The following ATPAF1 variants were observed in gnomAD, a reference collection of about 807,000 sequenced individuals.
ATPAF1 encodes homolog of yeast ATP11.
Under a neutral mutation model 43.9 loss-of-function variants are expected in ATPAF1, and 26 were observed. The observed-to-expected ratio is 0.59, with a 90% CI of 0.43 to 0.82. The LOEUF (loss-of-function observed/expected upper bound fraction) is 0.82. ATPAF1 is among the 40% of genes least tolerant of loss of function. ATPAF1 has a pLI of 0.00. For synonymous variants in ATPAF1, 157 were observed against 168.0 expected (o/e 0.93, Z 0.50); for missense variants, 366 against 435.0 (o/e 0.84, Z 1.41).
At chr1:46,658,051 C>A in intron 4 of ATPAF1, 76 bp downstream of exon 4, 1 of 1,389,918 alleles carries the variant, frequency 7.2e-7, no homozygotes, top group South Asian at 1.2e-5. Context: ...AAAGAGGTGT[C>A]AGAAAATGTA....
chr1:46,663,788 G>C, intron 2 of ATPAF1: 1 of 1,096,404 alleles, frequency 9.1e-7, no homozygotes, highest in Non-Finnish European at 1.1e-6. Flanking sequence ...CCTCTAATTT[G>C]ACTTTAAAAC....
chr1:46,652,666 G>A (rs1676194005), intron 5 of ATPAF1, 38 bp from the exon 6 acceptor site: 6 of 1,574,194 alleles, frequency 3.8e-6, no homozygotes, highest in Non-Finnish European at 5.2e-6. Context: ...CCTACACATA[G>A]TAAAACACAA....
At position 46,668,291 on chromosome 1, in the gene ATPAF1, C is replaced by T; in HGVS notation, c.32G>A (p.Gly11Asp). The change falls in exon 1 of 9, where the codon GGC becomes GAC. Residue 11 changes from glycine to aspartate, a missense_variant. Around this residue, in one of 2 missense-constraint regions of ATPAF1, gnomAD observed 186 missense variants for 168.5 expected, o/e 1.10. Transcript: ENST00000574428. The surrounding 1 kb of genome is among the most constrained non-coding windows in gnomAD (Gnocchi z 4.4). ...CACCTGCAGGACCGCCGGTCCCGCG[C>T]CACCCGCAGCCGCCACCACCACAGC... 7.2e-7 allele frequency: 1 copy of T among 1,381,714 alleles called. No homozygotes were observed. The highest frequency in any genetic ancestry group is 1.6e-5 in the South Asian group (1 of 64,054). The allele number at this position is 1,381,714 out of a possible 1,614,324, so 85.6% of individuals were successfully genotyped here.
chr1:46,642,916 G>A (rs1461252660), intron 8 of ATPAF1, among the ~76,000 whole-genome samples: 1 of 152,128 alleles, frequency 6.6e-6, no homozygotes, highest in East Asian at 1.9e-4. Flanking sequence ...GTTACCAAAT[G>A]AGTTCAAGTT....
intron 6 of ATPAF1, among the ~76,000 whole-genome samples, chr1:46,648,163 G>C (rs1192210300): frequency 6.6e-6 from 1 of 152,106 alleles, no homozygotes; most frequent in Non-Finnish European, 1.5e-5. Flanking sequence ...CTAGTCTGGA[G>C]TGCTGTGGTG....
intron 7 of ATPAF1, among the ~76,000 whole-genome samples, 169 bp from the exon 8 acceptor site, chr1:46,643,470 T>A (rs1193078457): frequency 6.6e-6 from 1 of 152,236 alleles, no homozygotes; most frequent in Non-Finnish European, 1.5e-5. Context: ...AAAGGCACAG[T>A]GAAACTGACA....
intron 4 of ATPAF1, among the ~76,000 whole-genome samples, chr1:46,655,398 C>T (rs960002718): frequency 1.3e-5 from 2 of 152,004 alleles, no homozygotes; most frequent in African/African-American, 4.8e-5. Flanking sequence ...CACTAACGAA[C>T]AAGGAAGCTA....
intron 8 of ATPAF1, among the ~76,000 whole-genome samples, chr1:46,641,474 ACCC>A (rs386630907): frequency 2.0e-5 from 3 of 152,030 alleles, no homozygotes; most frequent in Admixed American, 6.6e-5. Flanking sequence ...TCCAGCTAAT[ACCC>A]CATTCTCTCC....
intron 2 of ATPAF1, among the ~76,000 whole-genome samples, chr1:46,663,566 C>T (rs1441556316): frequency 5.9e-5 from 9 of 151,996 alleles, no homozygotes; most frequent in African/African-American, 2.2e-4. Flanking sequence ...TGTCTTTTGG[C>T]TGCATAAATG....
intron 8 of ATPAF1, among the ~76,000 whole-genome samples, chr1:46,641,077 TTTA>T (rs1208277492): frequency 6.6e-6 from 1 of 152,072 alleles, no homozygotes; most frequent in Non-Finnish European, 1.5e-5. Flanking sequence ...TTTATTTTAT[TTTA>T]TTATTATTAT....
chr1:46,666,164 G>A (rs1237892780), intron 1 of ATPAF1: 1 of 189,696 alleles, frequency 5.3e-6, no homozygotes, highest in Admixed American at 5.2e-5. Context: ...GCATTATAGG[G>A]GGCCCCTTCT....
intron 6 of ATPAF1, among the ~76,000 whole-genome samples, chr1:46,652,078 T>A (rs1676179916): frequency 6.6e-6 from 1 of 152,078 alleles, no homozygotes; most frequent in Admixed American, 6.6e-5. Flanking sequence ...AAATGATAAA[T>A]GTTTGAGGTG....
At chr1:46,643,159 G>C (rs1228032013) in intron 8 of ATPAF1, 35 bp downstream of exon 8, 1 of 1,552,822 alleles carries the variant, frequency 6.4e-7, no homozygotes, top group East Asian at 2.2e-5. Flanking sequence ...AGTGCCATGA[G>C]GTAAATCCAA....
chr1:46,666,705 CAG>C (rs1312827070), intron 1 of ATPAF1, among the ~76,000 whole-genome samples: 1 of 152,134 alleles, frequency 6.6e-6, no homozygotes, highest in Non-Finnish European at 1.5e-5. Context: ...AGTTTGCTAA[CAG>C]ATAAAACTAG....
intron 7 of ATPAF1, among the ~76,000 whole-genome samples, chr1:46,643,812 G>C (rs532553882): frequency 6.6e-6 from 1 of 152,264 alleles, no homozygotes; most frequent in East Asian, 1.9e-4. Context: ...GGGGGTGAAG[G>C]GGAGAAGAAG....
exon 9 of ATPAF1, chr1:46,635,660 G>A (rs1675823251): frequency 2.0e-6 from 2 of 999,820 alleles, no homozygotes; most frequent in Non-Finnish European, 2.9e-6. Context: ...AGCACATAGG[G>A]CAACTCATTA....
chr1:46,668,157 G>T lies in ATPAF1; in HGVS notation c.166C>A (p.Pro56Thr), dbSNP rs909032734. ...CCGCTGCTGTCGGCGCCCCCCTCGG[G>T]CCGGCCCGAGCCGGGGCGCACTGGG... is the stretch of plus-strand genomic sequence containing the variant. Residue 56 changes from proline (P) to threonine (T), a missense_variant, in exon 1 of 9, where the codon CCC becomes ACC. Physicochemically the swap from Pro to Thr is conservative, Grantham distance 38. Transcript: ENST00000574428. This position sits in a 1 kb window ranked among gnomAD's most constrained non-coding sequence, Gnocchi z 4.4. The T allele has an allele frequency of 2.1e-6, 3 of 1,398,260 alleles. No homozygotes were observed. Among genetic ancestry groups the T allele is most frequent in the Admixed American group, 3.2e-5 (1 of 31,308 alleles). The allele number at this position is 1,398,260 out of a possible 1,614,324, so 86.6% of individuals were successfully genotyped here.
At chr1:46,645,010 T>G in intron 7 of ATPAF1, 151 bp downstream of exon 7, 1 of 656,862 alleles carries the variant, frequency 1.5e-6, no homozygotes, top group Admixed American at 2.9e-5. Context: ...AGAAAACTAG[T>G]CCAACACAAA....
At chr1:46,658,614 A>G (rs752953322) in intron 3 of ATPAF1, 73 bp downstream of exon 3, 71 of 1,214,170 alleles carry the variant, frequency 5.8e-5, no homozygotes, top group Non-Finnish European at 7.5e-5. Context: ...CTTATGTTCA[A>G]ATTTGCAGCC....
Sources: gnomAD v4.1 joint callset for allele counts (sites outside exome capture counted in the v4.1 genomes callset) on GRCh38, gnomAD v4.1.1 for gene constraint, gnomAD v4.1.1 regional missense constraint, Gnocchi (gnomAD v3.1) non-coding constraint, MANE v1.5 for transcripts, NCBI Gene and HGNC (gene_info 2026-07-23, HGNC 2026-07-21) for gene names.